Variants in PEDS1 observed in about 807,000 individuals in gnomAD.
PEDS1 encodes plasmanylethanolamine desaturase 1.
Under a neutral mutation model 35.2 loss-of-function variants are expected in PEDS1, and 14 were observed. The ratio of observed to expected loss-of-function variants is 0.40; its 90% CI spans 0.26 to 0.62. PEDS1 has a LOEUF of 0.62. PEDS1 is among the 20% of genes least tolerant of loss of function. PEDS1 has a pLI of 0.44. For synonymous variants in PEDS1, 152 were observed against 152.0 expected (o/e 1.00, Z 0.00); for missense variants, 260 against 367.8 (o/e 0.71, Z 2.40).
intron 5 of PEDS1, among the ~76,000 whole-genome samples, chr20:50,126,692 T>C (rs113980175): frequency 2.5e-3 from 387 of 152,238 alleles, no homozygotes; most frequent in Non-Finnish European, 3.5e-3. Flanking sequence ...AGGCCTGAGT[T>C]AGACTTGACA....
At position 50,122,125 on chromosome 20, in the gene PEDS1, GCTGGT is replaced by G. The variant is rs1298341794; in HGVS notation, c.*2928_*2932del. ...ATGCACTTTCCACTGAGATTGCTGA[GCTGGT>G]CTAGTAAGTCTCAACTCAAAGAGAA... On this transcript the variant is annotated 3_prime_UTR_variant, in exon 6 of 6. Coordinates refer to ENST00000371652, the MANE Select transcript of PEDS1 (RefSeq NM_199129.4). The G allele has an allele frequency of 6.6e-6, 1 of 152,232 alleles. No homozygotes were observed. The highest frequency in any genetic ancestry group is 1.5e-5 in the Non-Finnish European group (1 of 68,070). 9.4% of individuals were successfully genotyped at this position (152,232 alleles called of 1,614,324 possible).
At chr20:50,137,323 G>A (rs1021349439) in intron 2 of PEDS1, among the ~76,000 whole-genome samples, 2 of 152,158 alleles carry the variant, frequency 1.3e-5, no homozygotes, top group African/African-American at 4.8e-5. Flanking sequence ...TGACAGGCGT[G>A]AGCCACCGCA....
chr20:50,127,941 G>T, intron 5 of PEDS1, 34 bp downstream of exon 5: 1 of 1,602,460 alleles, frequency 6.2e-7, no homozygotes, highest in Non-Finnish European at 8.5e-7. Flanking sequence ...GGCTGGGGTG[G>T]GGAAAGCCCA....
rs781028304 is a variant in PEDS1, at chr20:50,124,238, C to T, written c.*820G>A. The T allele has an allele frequency of 1.3e-5, 2 of 152,608 alleles. No homozygotes were observed. The highest frequency in any genetic ancestry group is 2.9e-5 in the Non-Finnish European group (2 of 68,046). The allele number at this position is 152,608 out of a possible 1,614,324, so 9.5% of individuals were successfully genotyped here. ...CAAAACATGACATTAAAATATTACT[C>T]CGTGTTACAGAAAAGATATTAAGGC... On this transcript the variant is annotated 3_prime_UTR_variant, in exon 6 of 6. Coordinates refer to ENST00000371652, the MANE Select transcript of PEDS1 (RefSeq NM_199129.4).
intron 1 of PEDS1, among the ~76,000 whole-genome samples, chr20:50,144,711 G>A (rs913992667): frequency 9.9e-5 from 15 of 152,156 alleles, no homozygotes; most frequent in African/African-American, 3.6e-4. Flanking sequence ...CTGCAGCCAG[G>A]AAAACACCTG....
intron 2 of PEDS1, among the ~76,000 whole-genome samples, chr20:50,141,372 T>A (rs998989296): frequency 1.3e-5 from 2 of 152,236 alleles, no homozygotes; most frequent in African/African-American, 4.8e-5. Context: ...ACATCCGTGA[T>A]TAAACTGACC....
intron 1 of PEDS1, among the ~76,000 whole-genome samples, chr20:50,151,815 C>T (rs1342993107): frequency 1.3e-5 from 2 of 152,070 alleles, no homozygotes; most frequent in Non-Finnish European, 2.9e-5. Context: ...GCCGAGATCA[C>T]GCCACTGCAC....
Position 50,129,653 on chromosome 20 carries a change from G to A in PEDS1, c.371C>T (p.Pro124Leu). ...GAAGTCGTGCCGTGTGATAGCTGTC[G>A]GGTCAATGTGGTGCTCCCGGAAGGG... The part of the protein sequence containing the change: ...IRPFREHHID[P>L]TAITRHDFIE... Residue 124 changes from proline to leucine, a missense_variant, in exon 4 of 6, where the codon CCG becomes CTG. By Grantham distance (98) the Pro-to-Leu change is moderately conservative. Transcript: ENST00000371652. This position sits in a 1 kb window ranked among gnomAD's most constrained non-coding sequence, Gnocchi z 4.2. 1 of 1,614,080 alleles carries A rather than the reference G, an allele frequency of 6.2e-7. No homozygotes were observed. The highest frequency in any genetic ancestry group is 8.5e-7 in the Non-Finnish European group (1 of 1,179,976).
intron 2 of PEDS1, among the ~76,000 whole-genome samples, chr20:50,133,033 G>C (rs371416308): frequency 1.2e-4 from 18 of 152,300 alleles, no homozygotes; most frequent in African/African-American, 4.1e-4. Context: ...TCAACTGGTT[G>C]TCCAAGATTC....
At chr20:50,141,567 T>A (rs552690906) in intron 2 of PEDS1, among the ~76,000 whole-genome samples, 6 of 152,228 alleles carry the variant, frequency 3.9e-5, no homozygotes, top group Non-Finnish European at 7.3e-5. Context: ...AGAGATGCAA[T>A]GTGGCCCAAG....
At chr20:50,145,232 T>TA (rs1422184107) in intron 1 of PEDS1, among the ~76,000 whole-genome samples, 1 of 150,866 alleles carries the variant, frequency 6.6e-6, no homozygotes, top group African/African-American at 2.4e-5. Context: ...AAAATAAAAA[T>TA]AAAATAAATA....
Position 50,144,340 on chromosome 20 carries a change from T to C in PEDS1, c.122-719A>G, listed in dbSNP as rs184511217. On this transcript the variant is annotated intron_variant, in intron 1 of 5. Coordinates refer to ENST00000371652, the MANE Select transcript of PEDS1 (RefSeq NM_199129.4). Reference sequence around the variant, plus strand: ...CTTGTCCCCTTTTGCAGGTAACTATTTGGAGGCAGAGGCTACAAACAACCT... The same window carrying C: ...CTTGTCCCCTTTTGCAGGTAACTATCTGGAGGCAGAGGCTACAAACAACCT... Among the ~76,000 whole-genome samples, 68 of 152,284 alleles carry C rather than the reference T, an allele frequency of 4.5e-4. 2 individuals carry two copies. The highest frequency in any genetic ancestry group is 1.5e-3 in the African/African-American group (64 of 41,546).
At chr20:50,125,568 CTATCTATCTATCTA>C in intron 5 of PEDS1, among the ~76,000 whole-genome samples, 1 of 151,792 alleles carries the variant, frequency 6.6e-6, no homozygotes, top group African/African-American at 2.4e-5. Context: ...ATCTATCTAT[CTATCTATCTATCTA>C]TCTATCTATC....
chr20:50,129,667 C>T lies in PEDS1; in HGVS notation c.357G>A (p.Glu119=). ...VGKAFIRPFR[E]HHIDPTAITR... ...TGATAGCTGTCGGGTCAATGTGGTG[C>T]TCCCGGAAGGGTCGGATGAAAGCCT... Residue 119 remains glutamate, a synonymous_variant, in exon 4 of 6, where the codon GAG becomes GAA. Coordinates refer to ENST00000371652, the MANE Select transcript of PEDS1 (RefSeq NM_199129.4). This position sits in a 1 kb window ranked among gnomAD's most constrained non-coding sequence, Gnocchi z 4.2. 6.2e-7 allele frequency: 1 copy of T among 1,614,146 alleles called. No individual in the cohort carries two copies. The highest frequency in any genetic ancestry group is 8.5e-7 in the Non-Finnish European group (1 of 1,180,016).
chr20:50,124,906 T>C lies in PEDS1; in HGVS notation c.*152A>G. ...TGAAAAATCAGTGGCTCAAGTATTC[T>C]GTGTCATGAGGGGTGGGCTGGGGTA... On this transcript the variant is annotated 3_prime_UTR_variant, in exon 6 of 6. Coordinates refer to ENST00000371652, the MANE Select transcript of PEDS1 (RefSeq NM_199129.4). 1.0e-6 allele frequency: 1 copy of C among 969,540 alleles called. No individual in the cohort carries two copies. The highest frequency in any genetic ancestry group is 2.5e-5 in the East Asian group (1 of 40,236). 60.1% of individuals were successfully genotyped at this position (969,540 alleles called of 1,614,324 possible). A position where few individuals can be genotyped will look rare whatever the true frequency, so the allele number is the denominator to read the frequency against.
chr20:50,130,725 G>T, intron 3 of PEDS1, 131 bp downstream of exon 3: 1 of 1,156,586 alleles, frequency 8.6e-7, no homozygotes. Flanking sequence ...CAGCACAGGG[G>T]TGAGGGACAG....
In PEDS1 at chr20:50,128,525, T is replaced by G. The variant is rs1198230575; in HGVS notation, c.479-338A>C. 6.6e-6 allele frequency among the ~76,000 whole-genome samples: 1 copy of G among 152,192 alleles called. No individual in the cohort carries two copies. The highest frequency in any genetic ancestry group is 1.5e-5 in the Non-Finnish European group (1 of 68,042). On this transcript the variant is annotated intron_variant, in intron 4 of 5. Coordinates refer to ENST00000371652, the MANE Select transcript of PEDS1 (RefSeq NM_199129.4). This position sits in a 1 kb window ranked among gnomAD's most constrained non-coding sequence, Gnocchi z 5.2. ...ATCGGTGACTCTGCCTCTAAGAAGC[T>G]TAATTTCCCCATCAGGAAAATGGGA...
At chr20:50,134,224 T>C (rs1227672920) in intron 2 of PEDS1, among the ~76,000 whole-genome samples, 1 of 152,200 alleles carries the variant, frequency 6.6e-6, no homozygotes, top group Non-Finnish European at 1.5e-5. Flanking sequence ...TAATGACATC[T>C]CTAAATGCTG....
chr20:50,130,855 C>A lies in PEDS1; in HGVS notation c.333+1G>T. 1 of 1,613,990 alleles carries A rather than the reference C, an allele frequency of 6.2e-7. No individual in the cohort carries two copies. The highest frequency in any genetic ancestry group is 8.5e-7 in the Non-Finnish European group (1 of 1,179,962). The stretch of plus-strand genomic sequence containing the variant: ...GGACATGGTTAGGTCAACATACTCA[C>A]CTTCCCCACAATGGGCAGCTCCACA... On this transcript the variant is annotated splice_donor_variant, in intron 3 of 5. Transcript: ENST00000371652. LOFTEE classifies it high-confidence loss of function.
Sources: allele counts gnomAD v4.1 joint callset (sites outside exome capture counted in the v4.1 genomes callset), GRCh38; gene constraint gnomAD v4.1.1; non-coding constraint Gnocchi (gnomAD v3.1); transcripts MANE v1.5; gene names NCBI Gene and HGNC (gene_info 2026-07-23, HGNC 2026-07-21).